The following RARB variants were observed in gnomAD, a reference collection of about 807,000 sequenced individuals.
The protein encoded by RARB is retinoic acid receptor beta.
RARB carries 17 observed loss-of-function variants against 51.9 expected under a neutral mutation model. The ratio of observed to expected loss-of-function variants is 0.33; its 90% CI spans 0.22 to 0.49. The LOEUF is 0.49. Among genes scored for constraint, RARB ranks in the 20% least tolerant of loss-of-function variants. The pLI, the probability that RARB is intolerant of heterozygous loss-of-function variation, is 0.99. For synonymous variants in RARB, 215 were observed against 195.4 expected, an observed-to-expected ratio of 1.10 and a Z score of -0.84; for missense variants, 369 against 550.8, an observed-to-expected ratio of 0.67 and a Z score of 3.30.
At chr3:25,465,205 T>G (rs1369882078) in intron 2 of RARB, among the ~76,000 whole-genome samples, 1 of 152,224 alleles carries the variant, frequency 6.6e-6, no homozygotes, top group Non-Finnish European at 1.5e-5. Flanking sequence ...AAGTATCTAT[T>G]ATCTCCCTTG....
chr3:24,873,104 G>A (rs1201128487), intron 2 of RARB, among the ~76,000 whole-genome samples: 1 of 152,174 alleles, frequency 6.6e-6, no homozygotes, highest in Non-Finnish European at 1.5e-5. Context: ...TCCAATAAAA[G>A]TTTATGAAAA....
At chr3:24,978,704 T>C (rs1696573682) in intron 2 of RARB, among the ~76,000 whole-genome samples, 1 of 151,762 alleles carries the variant, frequency 6.6e-6, no homozygotes, top group Non-Finnish European at 1.5e-5. Context: ...AAAAACCAGC[T>C]CCTGGATTGA....
intron 5 of RARB, among the ~76,000 whole-genome samples, chr3:25,295,534 A>T (rs1703895561): frequency 6.6e-6 from 1 of 152,198 alleles, no homozygotes; most frequent in South Asian, 2.1e-4. Context: ...TGTTATAGCA[A>T]CCTGGACAAA....
At chr3:24,910,015 A>G (rs1381527229) in intron 2 of RARB, among the ~76,000 whole-genome samples, 2 of 152,210 alleles carry the variant, frequency 1.3e-5, no homozygotes, top group Non-Finnish European at 2.9e-5. Flanking sequence ...GCCAGAGATT[A>G]TTGAAAAGCT....
intron 2 of RARB, among the ~76,000 whole-genome samples, chr3:25,039,906 A>C (rs1698078526): frequency 6.6e-6 from 1 of 152,194 alleles, no homozygotes; most frequent in African/African-American, 2.4e-5. Context: ...GGTAGAAGAC[A>C]AAATTGTCTT....
Position 25,255,001 on chromosome 3 carries a change from AT to A in RARB, c.178+80427del, listed in dbSNP as rs549370899. Among the ~76,000 whole-genome samples the A allele has an allele frequency of 3.9e-5, 6 of 152,280 alleles. No homozygotes were observed. The South Asian group carries it at 1.2e-3, about 32-fold the overall frequency. ...CTGACACCTACGACATTCTCAAAAA[AT>A]ATTAGCATTCTTGTATTCCTTTCTG... On this transcript the variant is annotated intron_variant, in intron 5 of 11. Coordinates refer to the RARB transcript ENST00000383772.
intron 2 of RARB, among the ~76,000 whole-genome samples, chr3:24,895,750 T>C (rs1243174992): frequency 1.3e-5 from 2 of 152,076 alleles, no homozygotes; most frequent in Non-Finnish European, 2.9e-5. Flanking sequence ...GGGGAAATAA[T>C]AATCTTTGTG....
At chr3:24,948,185 A>G (rs1333350183) in intron 2 of RARB, among the ~76,000 whole-genome samples, 1 of 152,228 alleles carries the variant, frequency 6.6e-6, no homozygotes, top group Non-Finnish European at 1.5e-5. Context: ...AGCCTTGAAG[A>G]TCTGAAGTCT....
intron 5 of RARB, among the ~76,000 whole-genome samples, chr3:25,291,485 T>TTTTTC (rs911903686): frequency 1.3e-5 from 2 of 151,390 alleles, no homozygotes; most frequent in Admixed American, 6.6e-5. Context: ...GCTTTTTTTT[T>TTTTTC]TTTTTTTTTG....
At chr3:25,368,889 G>T (rs1028199971) in intron 5 of RARB, among the ~76,000 whole-genome samples, 1 of 152,108 alleles carries the variant, frequency 6.6e-6, no homozygotes, top group Non-Finnish European at 1.5e-5. Flanking sequence ...TTGGCTGCCC[G>T]TTTGCACTGT....
chr3:25,513,882 T>G (rs918888417), intron 3 of RARB, among the ~76,000 whole-genome samples: 13 of 152,154 alleles, frequency 8.5e-5, no homozygotes, highest in African/African-American at 2.9e-4. Context: ...TGCCTTACAT[T>G]CTAAACTGGA....
chr3:25,027,886 C>G (rs1697783475), intron 2 of RARB, among the ~76,000 whole-genome samples: 1 of 152,098 alleles, frequency 6.6e-6, no homozygotes, highest in Non-Finnish European at 1.5e-5. Context: ...GGTTGCTGTG[C>G]TCTTGAACAG....
intron 5 of RARB, among the ~76,000 whole-genome samples, chr3:25,341,156 C>CA (rs992816936): frequency 6.6e-6 from 1 of 152,082 alleles, no homozygotes; most frequent in African/African-American, 2.4e-5. Context: ...TCTTGGAGAC[C>CA]AAAAGTCTTC....
At chr3:24,925,801 C>T (rs1305405623) in intron 2 of RARB, among the ~76,000 whole-genome samples, 1 of 152,016 alleles carries the variant, frequency 6.6e-6, no homozygotes, top group African/African-American at 2.4e-5. Flanking sequence ...CTACAAAATA[C>T]CTTTCACGTG....
chr3:25,051,273 G>A (rs565902416), intron 2 of RARB, among the ~76,000 whole-genome samples: 56 of 152,218 alleles, frequency 3.7e-4, no homozygotes, highest in African/African-American at 1.2e-3. Context: ...GAATAGAAAC[G>A]TGTAATTGTT....
At chr3:24,933,240 G>T (rs551771690) in intron 2 of RARB, among the ~76,000 whole-genome samples, 92 of 151,872 alleles carry the variant, frequency 6.1e-4, no homozygotes, top group Middle Eastern at 3.5e-3. Context: ...AGAATCATTG[G>T]TTTTCGATTT....
chr3:24,904,670 C>T (rs1694815860), intron 2 of RARB, among the ~76,000 whole-genome samples: 1 of 152,096 alleles, frequency 6.6e-6, no homozygotes, highest in South Asian at 2.1e-4. Context: ...GGGTATATAC[C>T]CAAAGGATTA....
intron 5 of RARB, among the ~76,000 whole-genome samples, chr3:25,253,313 A>G (rs1230504259): frequency 6.6e-6 from 1 of 152,222 alleles, no homozygotes; most frequent in African/African-American, 2.4e-5. Flanking sequence ...ATCTTAAAAG[A>G]ATAGTTTTAC....
chr3:25,158,425 C>T (rs920764014), intron 4 of RARB, among the ~76,000 whole-genome samples: 1 of 152,158 alleles, frequency 6.6e-6, no homozygotes, highest in Non-Finnish European at 1.5e-5. Flanking sequence ...CAAGCTGATC[C>T]TTGAAGAAGC....
Sources: allele counts gnomAD v4.1 joint callset (sites outside exome capture counted in the v4.1 genomes callset), GRCh38; gene constraint gnomAD v4.1.1; transcripts MANE v1.5; gene names NCBI Gene and HGNC (gene_info 2026-07-23, HGNC 2026-07-21).